Variants in MMP16 observed in about 807,000 individuals in gnomAD.
MMP16 encodes the protein matrix metalloproteinase-16.
A neutral mutation model predicts 67.8 loss-of-function variants in MMP16; 12 were observed. The ratio of observed to expected loss-of-function variants is 0.18; its 90% CI spans 0.11 to 0.29. MMP16 has a LOEUF of 0.29. Among genes scored for constraint, MMP16 ranks in the 10% least tolerant of loss-of-function variants. The pLI is 1.00. For missense variants in MMP16, 475 were observed against 765.7 expected (o/e 0.62, Z 4.48); for synonymous variants, 249 against 255.9 (o/e 0.97, Z 0.26).
chr8:88,296,510 A>G (rs1299564724), intron 1 of MMP16, among the ~76,000 whole-genome samples: 2 of 152,146 alleles, frequency 1.3e-5, no homozygotes, highest in Non-Finnish European at 2.9e-5. Context: ...TACTTCTAAC[A>G]GTATAGGTGG....
intron 9 of MMP16, among the ~76,000 whole-genome samples, chr8:88,045,151 G>A (rs1808181911): frequency 6.6e-6 from 1 of 151,844 alleles, no homozygotes; most frequent in South Asian, 2.1e-4. Flanking sequence ...GGACTTCAAG[G>A]TTCTTTTTGA....
intron 4 of MMP16, among the ~76,000 whole-genome samples, chr8:88,125,821 T>C (rs1358845565): frequency 6.6e-6 from 1 of 151,922 alleles, no homozygotes; most frequent in South Asian, 2.1e-4. Context: ...TTTTGTGTGA[T>C]TTATCTGTGC....
chr8:88,313,264 ATCTT>A (rs1811325132), intron 1 of MMP16, among the ~76,000 whole-genome samples: 1 of 152,168 alleles, frequency 6.6e-6, no homozygotes, highest in African/African-American at 2.4e-5. Context: ...CTGGAGATAA[ATCTT>A]TCAGCTTTTG....
intron 1 of MMP16, among the ~76,000 whole-genome samples, chr8:88,276,993 TTTTCA>T (rs1218423901): frequency 6.6e-6 from 1 of 152,114 alleles, no homozygotes; most frequent in African/African-American, 2.4e-5. Flanking sequence ...ACATTAAAGA[TTTTCA>T]CTGTAAAATG....
At chr8:88,235,788 A>G (rs1337144388) in intron 1 of MMP16, among the ~76,000 whole-genome samples, 1 of 152,180 alleles carries the variant, frequency 6.6e-6, no homozygotes, top group Non-Finnish European at 1.5e-5. Flanking sequence ...ACATACTTCC[A>G]ATACATTGTT....
At chr8:88,325,559 A>C (rs1811522950) in intron 1 of MMP16, among the ~76,000 whole-genome samples, 1 of 152,232 alleles carries the variant, frequency 6.6e-6, no homozygotes, top group African/African-American at 2.4e-5. Context: ...CTAATCCTTC[A>C]TTTCAACATT....
chr8:88,202,986 G>T (rs1439286419), intron 1 of MMP16, among the ~76,000 whole-genome samples: 1 of 151,886 alleles, frequency 6.6e-6, no homozygotes, highest in African/African-American at 2.4e-5. Flanking sequence ...TATTTACTGG[G>T]AGCAGATTCA....
At chr8:88,281,904 T>C in intron 1 of MMP16, among the ~76,000 whole-genome samples, 1 of 152,204 alleles carries the variant, frequency 6.6e-6, no homozygotes, top group East Asian at 1.9e-4. Flanking sequence ...CAAGCTCTTC[T>C]ATGTCCACAA....
chr8:88,228,686 A>G (rs528349354), intron 1 of MMP16, among the ~76,000 whole-genome samples: 11 of 152,130 alleles, frequency 7.2e-5, no homozygotes, highest in Non-Finnish European at 1.5e-4. Flanking sequence ...ACTGATATAC[A>G]AAGATGTTCT....
At chr8:88,162,760 C>G (rs1808650381) in intron 4 of MMP16, among the ~76,000 whole-genome samples, 1 of 152,010 alleles carries the variant, frequency 6.6e-6, no homozygotes, top group African/African-American at 2.4e-5. Flanking sequence ...GTGTGTAGCA[C>G]TTTCCCTTCA....
intron 4 of MMP16, among the ~76,000 whole-genome samples, chr8:88,167,213 AAAAC>A (rs1357736746): frequency 6.6e-6 from 1 of 152,144 alleles, no homozygotes; most frequent in Non-Finnish European, 1.5e-5. Flanking sequence ...ACTTCATCTC[AAAAC>A]AAACAAACAA....
chr8:88,279,083 G>T (rs563374336), intron 1 of MMP16, among the ~76,000 whole-genome samples: 2 of 151,912 alleles, frequency 1.3e-5, no homozygotes, highest in African/African-American at 4.8e-5. Context: ...TGAGCTAAGC[G>T]TGATGGCATG....
intron 4 of MMP16, 67 bp downstream of exon 4, chr8:88,167,602 T>C (rs1808735065): frequency 6.9e-7 from 1 of 1,438,936 alleles, no homozygotes; most frequent in African/African-American, 1.4e-5. Flanking sequence ...TTGTAAATTG[T>C]TAAATCTCTT....
chr8:88,320,862 G>A (rs960992683), intron 1 of MMP16, among the ~76,000 whole-genome samples: 1 of 152,072 alleles, frequency 6.6e-6, no homozygotes, highest in African/African-American at 2.4e-5. Flanking sequence ...GGCTCATCAA[G>A]CTATGCCACT....
chr8:88,144,332 A>T (rs1324795433), intron 4 of MMP16, among the ~76,000 whole-genome samples: 1 of 151,932 alleles, frequency 6.6e-6, no homozygotes, highest in Non-Finnish European at 1.5e-5. Flanking sequence ...TGGCATACAA[A>T]AAGAAAGTTC....
chr8:88,149,169 G>A (rs1325666615), intron 4 of MMP16, among the ~76,000 whole-genome samples: 2 of 152,164 alleles, frequency 1.3e-5, no homozygotes, highest in African/African-American at 2.4e-5. Flanking sequence ...AAAAAACGGC[G>A]CACCACGAAA....
intron 1 of MMP16, among the ~76,000 whole-genome samples, chr8:88,252,820 A>G (rs1810247141): frequency 6.6e-6 from 1 of 152,094 alleles, no homozygotes; most frequent in African/African-American, 2.4e-5. Context: ...TACATTAGCC[A>G]GATCAAAGCA....
At chr8:88,213,512 T>C (rs935963629) in intron 1 of MMP16, among the ~76,000 whole-genome samples, 2 of 152,180 alleles carry the variant, frequency 1.3e-5, no homozygotes, top group Non-Finnish European at 2.9e-5. Context: ...TAATGTAGAT[T>C]ATGTATACTC....
chr8:88,168,670 A>G (rs961465061), intron 3 of MMP16, among the ~76,000 whole-genome samples: 2 of 152,172 alleles, frequency 1.3e-5, no homozygotes, highest in African/African-American at 2.4e-5. Flanking sequence ...ATTTGGCACT[A>G]AATCAGATGT....
Sources: gnomAD v4.1 joint callset for allele counts (sites outside exome capture counted in the v4.1 genomes callset) on GRCh38, gnomAD v4.1.1 for gene constraint, MANE v1.5 for transcripts, NCBI Gene and HGNC (gene_info 2026-07-23, HGNC 2026-07-21) for gene names.